CCSER1: variants seen among roughly 807,000 people sequenced by gnomAD.
The protein encoded by CCSER1 is serine-rich coiled-coil domain-containing protein 1.
CCSER1 carries 41 observed loss-of-function variants against 82.0 expected under a neutral mutation model. The ratio of observed to expected loss-of-function variants is 0.50; its 90% CI spans 0.39 to 0.65. The LOEUF (loss-of-function observed/expected upper bound fraction) is 0.65. CCSER1 is among the 30% of genes least tolerant of loss of function. CCSER1 has a pLI of 0.00. For synonymous variants in CCSER1, 414 were observed against 383.9 expected (o/e 1.08, Z -0.92); for missense variants, 1,119 against 1,064.2 (o/e 1.05, Z -0.72).
intron 9 of CCSER1, among the ~76,000 whole-genome samples, chr4:90,965,878 CT>C: frequency 6.6e-6 from 1 of 152,116 alleles, no homozygotes; most frequent in East Asian, 1.9e-4. Flanking sequence ...AACGAAAGTG[CT>C]TTTTTTCCTG....
Position 90,701,634 on chromosome 4 carries a change from G to A in CCSER1, c.1933-22280G>A, listed in dbSNP as rs533592950. Among the ~76,000 whole-genome samples, 15 of 152,190 alleles carry A rather than the reference G, an allele frequency of 9.9e-5. No individual in the cohort carries two copies. In the East Asian group the frequency reaches 1.4e-3, roughly 14 times the overall value. ...ACCCATGAGCATGGAATGTTCTTCC[G>A]TTTGTTTATGTCCTCTTTTACTTCA... is the stretch of plus-strand genomic sequence containing the variant. On this transcript the variant is annotated intron_variant, in intron 6 of 10. Transcript: ENST00000509176.
At chr4:90,614,538 C>G (rs1720849711) in intron 5 of CCSER1, among the ~76,000 whole-genome samples, 1 of 152,278 alleles carries the variant, frequency 6.6e-6, no homozygotes. Context: ...GAAAATAAAA[C>G]AGCCTTGTTG....
intron 1 of CCSER1, among the ~76,000 whole-genome samples, chr4:90,204,444 T>C (rs1738392104): frequency 2.6e-5 from 4 of 152,236 alleles, no homozygotes; most frequent in Admixed American, 1.3e-4. Flanking sequence ...ATTTATTAAA[T>C]ATGGAATCCT....
At chr4:90,947,445 A>G (rs1481132189) in intron 9 of CCSER1, among the ~76,000 whole-genome samples, 1 of 152,186 alleles carries the variant, frequency 6.6e-6, no homozygotes, top group African/African-American at 2.4e-5. Flanking sequence ...TATGACATAA[A>G]CATTATTTAC....
chr4:90,916,930 G>C (rs763531508), intron 8 of CCSER1, among the ~76,000 whole-genome samples: 3 of 152,072 alleles, frequency 2.0e-5, no homozygotes, highest in African/African-American at 7.2e-5. Context: ...ATCATCACTG[G>C]CCATCATAGA....
At chr4:90,535,744 AAG>A (rs1775238081) in intron 5 of CCSER1, among the ~76,000 whole-genome samples, 1 of 152,168 alleles carries the variant, frequency 6.6e-6, no homozygotes, top group South Asian at 2.1e-4. Context: ...TTTGTATGTG[AAG>A]AGTCACAGAT....
At chr4:91,537,698 G>T (rs868850230) in intron 10 of CCSER1, among the ~76,000 whole-genome samples, 16 of 151,858 alleles carry the variant, frequency 1.1e-4, no homozygotes, top group Non-Finnish European at 2.9e-5. Flanking sequence ...CATATAAAGT[G>T]TGATAACTTT....
At chr4:90,954,817 A>G (rs1363416709) in intron 9 of CCSER1, among the ~76,000 whole-genome samples, 1 of 152,138 alleles carries the variant, frequency 6.6e-6, no homozygotes, top group Non-Finnish European at 1.5e-5. Context: ...AAGTGATAAA[A>G]TGGTTGATTT....
intron 1 of CCSER1, among the ~76,000 whole-genome samples, chr4:90,180,579 A>C (rs1333730554): frequency 6.6e-6 from 1 of 151,162 alleles, no homozygotes; most frequent in Admixed American, 6.6e-5. Flanking sequence ...ACAGAGCAAG[A>C]CTCTGTCTCA....
chr4:90,731,723 A>G (rs1014660906), intron 7 of CCSER1, among the ~76,000 whole-genome samples: 1 of 152,196 alleles, frequency 6.6e-6, no homozygotes, highest in Non-Finnish European at 1.5e-5. Context: ...TATTTATACT[A>G]TGTATATTTA....
chr4:91,323,240 A>T (rs776688592), intron 10 of CCSER1, among the ~76,000 whole-genome samples: 1 of 152,136 alleles, frequency 6.6e-6, no homozygotes, highest in African/African-American at 2.4e-5. Flanking sequence ...AGATAAACAG[A>T]TGGTCTCTGC....
chr4:91,266,190 C>T (rs980240975), intron 10 of CCSER1, among the ~76,000 whole-genome samples: 1 of 151,750 alleles, frequency 6.6e-6, no homozygotes, highest in Admixed American at 6.6e-5. Flanking sequence ...GATTGTTTTG[C>T]AAGGAATTTT....
intron 5 of CCSER1, among the ~76,000 whole-genome samples, chr4:90,618,384 T>C (rs896026368): frequency 4.6e-5 from 7 of 152,008 alleles, no homozygotes; most frequent in Non-Finnish European, 8.8e-5. Context: ...ACATCTTGAA[T>C]ATTATAACAC....
Position 90,935,030 on chromosome 4 carries a change from GTA to G in CCSER1, c.2172+11589_2172+11590del, listed in dbSNP as rs1378676036. 4.0e-5 allele frequency among the ~76,000 whole-genome samples: 6 copies of G among 151,874 alleles called. No homozygotes were observed. The South Asian group carries it at 8.3e-4, about 21-fold the overall frequency. ...CGACATATGAAATGCATATATATAT[GTA>G]TATATGTGTGTGTGTATATATATTA... On this transcript the variant is annotated intron_variant, in intron 9 of 10. Coordinates refer to ENST00000509176, the MANE Select transcript of CCSER1 (RefSeq NM_001145065.2).
intron 4 of CCSER1, among the ~76,000 whole-genome samples, chr4:90,453,353 A>G (rs1357606917): frequency 6.6e-6 from 1 of 152,212 alleles, no homozygotes; most frequent in Non-Finnish European, 1.5e-5. Flanking sequence ...ACCAGTCTCC[A>G]TTCCCTGTTG....
chr4:90,349,979 A>G (rs1743133624), intron 3 of CCSER1, among the ~76,000 whole-genome samples: 1 of 152,180 alleles, frequency 6.6e-6, no homozygotes, highest in Non-Finnish European at 1.5e-5. Flanking sequence ...GAAGATAAAC[A>G]GTTCTGCATC....
chr4:91,415,161 C>T (rs998637251), intron 10 of CCSER1, among the ~76,000 whole-genome samples: 6 of 152,052 alleles, frequency 3.9e-5, no homozygotes, highest in Non-Finnish European at 5.9e-5. Flanking sequence ...GAATATTCTC[C>T]AAGATAGCAA....
chr4:91,079,135 C>G (rs1259347062), intron 9 of CCSER1, among the ~76,000 whole-genome samples: 2 of 152,086 alleles, frequency 1.3e-5, no homozygotes, highest in African/African-American at 4.8e-5. Context: ...TTCAGATTCA[C>G]CAAAGTTGAA....
intron 10 of CCSER1, among the ~76,000 whole-genome samples, chr4:91,546,972 CTTTT>C (rs70937013): frequency 7.5e-6 from 1 of 133,460 alleles, no homozygotes; most frequent in African/African-American, 2.8e-5. Flanking sequence ...CTTGAGTTTT[CTTTT>C]TTTTTTTTTT....
Sources: gnomAD v4.1 joint callset for allele counts (sites outside exome capture counted in the v4.1 genomes callset) on GRCh38, gnomAD v4.1.1 for gene constraint, MANE v1.5 for transcripts, NCBI Gene and HGNC (gene_info 2026-07-23, HGNC 2026-07-21) for gene names.